The following KIF26B variants were observed in gnomAD, a reference collection of about 807,000 sequenced individuals.
KIF26B encodes the protein kinesin-like protein KIF26B.
In KIF26B, 63 loss-of-function variants were observed where a neutral mutation model predicts 151.2. That is an observed-to-expected ratio of 0.42 (90% CI 0.34 to 0.51). The LOEUF (loss-of-function observed/expected upper bound fraction) is 0.51. Ranked by LOEUF, KIF26B falls within the 20% of genes least tolerant of loss-of-function variation. KIF26B has a pLI of 0.07. For missense variants in KIF26B, 2,813 were observed against 2,913.6 expected, an observed-to-expected ratio of 0.97 and a Z score of 0.79; for synonymous variants, 1,357 against 1,262.1, an observed-to-expected ratio of 1.08 and a Z score of -1.59.
At position 245,540,861 on chromosome 1, in the gene KIF26B, A is replaced by G; in HGVS notation, c.1261A>G (p.Ser421Gly). ...ACCACCGCTCTTTGCAACCAGCTTC[A>G]GTGGGATTCTGCAGACCTCCCCTCC... is the stretch of plus-strand genomic sequence containing the variant. Reference protein sequence around the residue: ...AEPPLFATSFSGILQTSPPPA... With the variant: ...AEPPLFATSFGGILQTSPPPA... Residue 421 changes from serine to glycine, a missense_variant, in exon 5 of 15, where the codon AGT (serine) becomes GGT (glycine). Ser to Gly is a moderately conservative substitution (Grantham distance 56). Around this residue, in one of 3 missense-constraint regions of KIF26B, gnomAD observed 676 missense variants for 688.1 expected, o/e 0.98. Transcript: ENST00000407071. This position sits in a 1 kb window ranked among gnomAD's most constrained non-coding sequence, Gnocchi z 4.6. 4 of 1,613,916 alleles carry G rather than the reference A, an allele frequency of 2.5e-6. No individual in the cohort carries two copies. Among genetic ancestry groups the G allele is most frequent in the Non-Finnish European group, 3.4e-6 (4 of 1,179,850 alleles).
At chr1:245,608,881 A>G (rs1012056901) in intron 7 of KIF26B, among the ~76,000 whole-genome samples, 2 of 152,066 alleles carry the variant, frequency 1.3e-5, no homozygotes, top group African/African-American at 4.8e-5. Flanking sequence ...CTTCCCAAGT[A>G]GCTGGGGCCA....
intron 4 of KIF26B, among the ~76,000 whole-genome samples, chr1:245,420,380 G>T (rs1658456683): frequency 2.0e-5 from 3 of 152,218 alleles, no homozygotes; most frequent in African/African-American, 7.2e-5. Flanking sequence ...GAGCAGGAAA[G>T]GACTTCAGGG....
At position 245,227,494 on chromosome 1, in the gene KIF26B, A is replaced by G. The variant is rs1449241027; in HGVS notation, c.465+70811A>G. ...CACCCCTGTCACACCGCCCTTGACC[A>G]TGGTTGTCTGTCATGTGGATTCCTC... On this transcript the variant is annotated intron_variant, in intron 2 of 14. Transcript: ENST00000407071. This position sits in a 1 kb window ranked among gnomAD's most constrained non-coding sequence, Gnocchi z 4.1. Among the ~76,000 whole-genome samples, 6 of 152,052 alleles carry G rather than the reference A, an allele frequency of 3.9e-5. No homozygotes were observed. The highest frequency in any genetic ancestry group is 3.9e-4 in the Admixed American group (6 of 15,262).
chr1:245,453,689 C>T (rs1344691292), intron 4 of KIF26B, among the ~76,000 whole-genome samples: 1 of 152,084 alleles, frequency 6.6e-6, no homozygotes, highest in Admixed American at 6.6e-5. Flanking sequence ...TACTTTTTGG[C>T]ATGGATTCTG....
intron 4 of KIF26B, among the ~76,000 whole-genome samples, chr1:245,474,791 G>A (rs1325651221): frequency 1.3e-5 from 2 of 151,504 alleles, no homozygotes; most frequent in Admixed American, 6.6e-5. Context: ...TCCCATCCCC[G>A]CTGCCCATCC....
chr1:245,522,123 C>T (rs1183359541), intron 4 of KIF26B, among the ~76,000 whole-genome samples: 1 of 152,142 alleles, frequency 6.6e-6, no homozygotes, highest in African/African-American at 2.4e-5. Context: ...CCCGCCTTGG[C>T]CTCCCAAAGT....
At chr1:245,609,125 C>T (rs765369777) in intron 7 of KIF26B, 141 bp from the exon 8 acceptor site, 1 of 734,714 alleles carries the variant, frequency 1.4e-6, no homozygotes, top group Admixed American at 3.3e-5. Context: ...AATACTATTT[C>T]TCTCATCTTT....
chr1:245,312,985 C>T lies in KIF26B; in HGVS notation c.466-53849C>T, dbSNP rs551777695. Among the ~76,000 whole-genome samples the T allele has an allele frequency of 2.0e-3, 307 of 152,006 alleles. 1 individual carries two copies. Among genetic ancestry groups the T allele is most frequent in the Non-Finnish European group, 3.0e-3 (205 of 67,982 alleles). Reference sequence around the variant, plus strand: ...GACCATCCTGGCCAACCTGGTGAGACCCGTCTCTACTAAAAATACAAAAAT... The same window carrying T: ...GACCATCCTGGCCAACCTGGTGAGATCCGTCTCTACTAAAAATACAAAAAT... On this transcript the variant is annotated intron_variant, in intron 2 of 14. Transcript: ENST00000407071.
At chr1:245,296,659 C>A (rs901419172) in intron 2 of KIF26B, among the ~76,000 whole-genome samples, 2 of 152,246 alleles carry the variant, frequency 1.3e-5, no homozygotes, top group South Asian at 4.1e-4. Flanking sequence ...AAGTCGGCCT[C>A]ACTTTTCCCT....
At chr1:245,428,566 C>G (rs1450090014) in intron 4 of KIF26B, among the ~76,000 whole-genome samples, 3 of 152,158 alleles carry the variant, frequency 2.0e-5, no homozygotes, top group African/African-American at 4.8e-5. Context: ...CCAGCAACCC[C>G]CAACTGTTCT....
At position 245,473,275 on chromosome 1, in the gene KIF26B, C is replaced by T. The variant is rs569537055; in HGVS notation, c.1166+53530C>T. Among the ~76,000 whole-genome samples, 7 of 152,274 alleles carry T rather than the reference C, an allele frequency of 4.6e-5. No homozygotes were observed. The South Asian group carries it at 6.2e-4, about 14-fold the overall frequency. ...TTGGAGGGCTAGTATGCAGTGGTTT[C>T]GTGATGTGTCTTTTATATGGTCTCA... On this transcript the variant is annotated intron_variant, in intron 4 of 14. Transcript: ENST00000407071.
At chr1:245,657,332 C>T (rs1056006485) in intron 10 of KIF26B, among the ~76,000 whole-genome samples, 22 of 152,290 alleles carry the variant, frequency 1.4e-4, no homozygotes, top group African/African-American at 4.3e-4. Flanking sequence ...TGAAATCGCG[C>T]GCTGAGAACT....
At chr1:245,190,762 T>C (rs979001598) in intron 2 of KIF26B, among the ~76,000 whole-genome samples, 3 of 151,620 alleles carry the variant, frequency 2.0e-5, no homozygotes, top group South Asian at 2.1e-4. Flanking sequence ...AGTCTCCCTA[T>C]AAGAGATAAG....
At chr1:245,209,650 C>T (rs950717630) in intron 2 of KIF26B, among the ~76,000 whole-genome samples, 3 of 152,050 alleles carry the variant, frequency 2.0e-5, no homozygotes, top group East Asian at 1.9e-4. Flanking sequence ...CATCGGTGGA[C>T]GGTGGAGGTT....
At chr1:245,274,848 G>A (rs567657888) in intron 2 of KIF26B, among the ~76,000 whole-genome samples, 69 of 152,142 alleles carry the variant, frequency 4.5e-4, no homozygotes, top group Non-Finnish European at 9.4e-4. Flanking sequence ...CCAGTAAGGG[G>A]ATTGCTGGGT....
chr1:245,214,836 G>A (rs1054347836), intron 2 of KIF26B, among the ~76,000 whole-genome samples: 7 of 152,128 alleles, frequency 4.6e-5, no homozygotes, highest in Non-Finnish European at 7.3e-5. Flanking sequence ...GCAAAACTCC[G>A]TCTGAAAAAT....
chr1:245,290,727 C>T (rs1398423387), intron 2 of KIF26B, among the ~76,000 whole-genome samples: 2 of 152,206 alleles, frequency 1.3e-5, no homozygotes, highest in African/African-American at 2.4e-5. Flanking sequence ...GAATGCAGCC[C>T]AGCAGGTCAC....
At chr1:245,456,743 A>G (rs1049730683) in intron 4 of KIF26B, among the ~76,000 whole-genome samples, 2 of 152,286 alleles carry the variant, frequency 1.3e-5, no homozygotes, top group Admixed American at 6.5e-5. Flanking sequence ...AAACTGCTGT[A>G]GCTGGCCTCC....
Position 245,166,134 on chromosome 1 carries a change from C to T in KIF26B, c.465+9451C>T, listed in dbSNP as rs1029988028. ...TACAGTGGGAGTCATGACAGAGCCC[C>T]ACCAGGAGGATCGTGAGGATTAGGT... is the stretch of plus-strand genomic sequence containing the variant. On this transcript the variant is annotated intron_variant, in intron 2 of 14. Coordinates refer to ENST00000407071, the MANE Select transcript of KIF26B (RefSeq NM_018012.4). The surrounding 1 kb of genome is among the most constrained non-coding windows in gnomAD (Gnocchi z 4.5). Among the ~76,000 whole-genome samples, 1 of 152,198 alleles carries T rather than the reference C, an allele frequency of 6.6e-6. No individual in the cohort carries two copies. Among genetic ancestry groups the T allele is most frequent in the Admixed American group, 6.5e-5 (1 of 15,284 alleles).
Sources: allele counts gnomAD v4.1 joint callset (sites outside exome capture counted in the v4.1 genomes callset), GRCh38; gene constraint gnomAD v4.1.1; regional missense constraint gnomAD v4.1.1; non-coding constraint Gnocchi (gnomAD v3.1); transcripts MANE v1.5; gene names NCBI Gene and HGNC (gene_info 2026-07-23, HGNC 2026-07-21).